DLG2: variants seen among roughly 807,000 people sequenced by gnomAD.
DLG2 encodes the protein disks large homolog 2.
Under a neutral mutation model 132.5 loss-of-function variants are expected in DLG2, and 45 were observed. That is an observed-to-expected ratio of 0.34 (90% CI 0.27 to 0.44). DLG2 has a LOEUF of 0.44. Among genes scored for constraint, DLG2 ranks in the 20% least tolerant of loss-of-function variants. DLG2 has a pLI of 1.00. For synonymous variants in DLG2, 424 were observed against 419.6 expected, an observed-to-expected ratio of 1.01 and a Z score of -0.13; for missense variants, 1,045 against 1,196.9, an observed-to-expected ratio of 0.87 and a Z score of 1.87.
At chr11:83,880,505 A>G (rs1022909134) in intron 15 of DLG2, among the ~76,000 whole-genome samples, 31 of 152,212 alleles carry the variant, frequency 2.0e-4, no homozygotes, top group African/African-American at 7.0e-4. Flanking sequence ...AAGTGAAATT[A>G]TCCTACATAT....
intron 3 of DLG2, among the ~76,000 whole-genome samples, chr11:85,513,608 T>G (rs752357706): frequency 4.3e-4 from 66 of 152,058 alleles, no homozygotes; most frequent in African/African-American, 1.4e-3. Flanking sequence ...GCCTCCCCAT[T>G]TAATCACCAG....
At chr11:85,392,671 C>T (rs2086903897) in intron 3 of DLG2, among the ~76,000 whole-genome samples, 2 of 152,024 alleles carry the variant, frequency 1.3e-5, no homozygotes, top group South Asian at 4.1e-4. Flanking sequence ...AACTCAAATA[C>T]TCACAGTCAC....
At chr11:84,574,576 T>C (rs1033224757) in intron 6 of DLG2, among the ~76,000 whole-genome samples, 1 of 152,184 alleles carries the variant, frequency 6.6e-6, no homozygotes, top group Non-Finnish European at 1.5e-5. Context: ...GCTTTGAATG[T>C]TGTCTATAAT....
chr11:85,295,243 C>A (rs1021077331), intron 3 of DLG2, among the ~76,000 whole-genome samples: 1 of 152,118 alleles, frequency 6.6e-6, no homozygotes, highest in Non-Finnish European at 1.5e-5. Flanking sequence ...AGATAAGTAA[C>A]TATATGTAAT....
chr11:85,050,497 A>G (rs1260001106), intron 6 of DLG2, among the ~76,000 whole-genome samples: 1 of 152,084 alleles, frequency 6.6e-6, no homozygotes. Flanking sequence ...GAAGAAAGGA[A>G]CAAACAGGAA....
chr11:84,787,576 C>T (rs2073126451), intron 6 of DLG2, among the ~76,000 whole-genome samples: 1 of 152,122 alleles, frequency 6.6e-6, no homozygotes, highest in Non-Finnish European at 1.5e-5. Context: ...TCTCTACCAC[C>T]TCACTTAGTA....
intron 6 of DLG2, among the ~76,000 whole-genome samples, chr11:84,649,566 T>TTG (rs1446939990): frequency 2.0e-5 from 3 of 152,188 alleles, no homozygotes; most frequent in Non-Finnish European, 4.4e-5. Context: ...TGGCTATGAT[T>TTG]TGTGTGTTTT....
intron 6 of DLG2, among the ~76,000 whole-genome samples, chr11:85,042,935 T>G (rs2062000238): frequency 6.6e-6 from 1 of 151,944 alleles, no homozygotes; most frequent in African/African-American, 2.4e-5. Context: ...TATCTACTGT[T>G]GATAGTACAT....
chr11:84,757,297 A>T (rs1384041701), intron 6 of DLG2, among the ~76,000 whole-genome samples: 2 of 142,364 alleles, frequency 1.4e-5, no homozygotes, highest in African/African-American at 5.4e-5. Context: ...ATCTTTTGTT[A>T]AAAAAAAAAA....
intron 19 of DLG2, among the ~76,000 whole-genome samples, chr11:83,583,806 CTT>C (rs1236947189): frequency 6.6e-6 from 1 of 152,076 alleles, no homozygotes; most frequent in Non-Finnish European, 1.5e-5. Flanking sequence ...TGAATGAACA[CTT>C]TATATACTGA....
intron 15 of DLG2, among the ~76,000 whole-genome samples, chr11:83,887,905 C>T (rs2068422251): frequency 6.7e-6 from 1 of 150,036 alleles, no homozygotes; most frequent in South Asian, 2.2e-4. Context: ...AACAACGCTT[C>T]ATGCTAAAAA....
chr11:84,976,808 C>A (rs1417415155), intron 6 of DLG2, among the ~76,000 whole-genome samples: 1 of 152,118 alleles, frequency 6.6e-6, no homozygotes, highest in Non-Finnish European at 1.5e-5. Flanking sequence ...CTACTAACAG[C>A]AATACTCTTA....
chr11:83,808,886 TG>T (rs1376494655), intron 17 of DLG2, among the ~76,000 whole-genome samples: 2 of 152,108 alleles, frequency 1.3e-5, no homozygotes, highest in Non-Finnish European at 2.9e-5. Context: ...CTCACCTCTG[TG>T]ATCCTCTCCT....
intron 4 of DLG2, among the ~76,000 whole-genome samples, chr11:85,177,119 G>A (rs1198426118): frequency 6.6e-6 from 1 of 151,924 alleles, no homozygotes; most frequent in Non-Finnish European, 1.5e-5. Flanking sequence ...ATACCCAAAG[G>A]AATATAAATC....
At chr11:85,461,762 C>A (rs1210995650) in intron 3 of DLG2, among the ~76,000 whole-genome samples, 1 of 151,880 alleles carries the variant, frequency 6.6e-6, no homozygotes, top group East Asian at 1.9e-4. Context: ...CTATTATGGA[C>A]TGAATAAAGT....
chr11:85,566,031 T>C (rs114298750), intron 3 of DLG2, among the ~76,000 whole-genome samples: 4,288 of 152,288 alleles, frequency 0.028, 79 homozygotes, highest in Admixed American at 0.058. Context: ...CATTTGTTTT[T>C]ATCATAGCCA....
intron 18 of DLG2, among the ~76,000 whole-genome samples, chr11:83,688,459 G>C (rs575885570): frequency 6.6e-6 from 1 of 152,264 alleles, no homozygotes; most frequent in East Asian, 1.9e-4. Context: ...ATCCAGAAGG[G>C]AAACGACTTT....
intron 6 of DLG2, among the ~76,000 whole-genome samples, chr11:84,988,437 G>T (rs192944876): frequency 5.3e-4 from 81 of 152,234 alleles, no homozygotes; most frequent in Non-Finnish European, 4.7e-4. Flanking sequence ...AGCAAAATTT[G>T]CAATTGCAAA....
At chr11:83,867,809 G>C (rs1262658236) in intron 16 of DLG2, among the ~76,000 whole-genome samples, 1 of 152,120 alleles carries the variant, frequency 6.6e-6, no homozygotes, top group Non-Finnish European at 1.5e-5. Context: ...ATATTTCCTA[G>C]CTCTCCATAG....
Sources: gnomAD v4.1 joint callset for allele counts (sites outside exome capture counted in the v4.1 genomes callset) on GRCh38, gnomAD v4.1.1 for gene constraint, MANE v1.5 for transcripts, NCBI Gene and HGNC (gene_info 2026-07-23, HGNC 2026-07-21) for gene names.